Variants in CCDC138 observed in about 807,000 individuals in gnomAD.
CCDC138 encodes the protein coiled-coil domain-containing protein 138.
Under a neutral mutation model 82.3 loss-of-function variants are expected in CCDC138, and 66 were observed. The observed-to-expected ratio is 0.80, with a 90% CI of 0.66 to 0.98. CCDC138 has a LOEUF of 0.98. Among genes scored for constraint, CCDC138 ranks in the 50% least tolerant of loss-of-function variants. The pLI is 0.00. For missense variants in CCDC138, 816 were observed against 758.9 expected, an observed-to-expected ratio of 1.08 and a Z score of -0.88; for synonymous variants, 297 against 265.4, an observed-to-expected ratio of 1.12 and a Z score of -1.16.
chr2:108,826,638 C>T (rs1279386091), intron 10 of CCDC138, among the ~76,000 whole-genome samples: 1 of 152,172 alleles, frequency 6.6e-6, no homozygotes, highest in Non-Finnish European at 1.5e-5. Context: ...CGGTGTCACA[C>T]TCGATTCATT....
chr2:108,822,215 G>A (rs992512294), intron 10 of CCDC138, among the ~76,000 whole-genome samples: 1 of 151,942 alleles, frequency 6.6e-6, no homozygotes, highest in South Asian at 2.1e-4. Context: ...AGAGACAAAG[G>A]ACACTATATA....
chr2:108,810,203 G>A (rs1368293698), intron 7 of CCDC138, among the ~76,000 whole-genome samples: 1 of 152,170 alleles, frequency 6.6e-6, no homozygotes. Context: ...GTGAGAATGA[G>A]CATCCTTGTC....
At chr2:108,841,674 G>C (rs1689509021) in intron 11 of CCDC138, among the ~76,000 whole-genome samples, 2 of 151,958 alleles carry the variant, frequency 1.3e-5, no homozygotes, top group Non-Finnish European at 1.5e-5. Flanking sequence ...GCTGCATTTA[G>C]AAAAAATAAA....
intron 11 of CCDC138, among the ~76,000 whole-genome samples, chr2:108,845,011 G>A (rs1002989625): frequency 3.3e-5 from 5 of 151,914 alleles, no homozygotes; most frequent in Non-Finnish European, 1.5e-5. Context: ...TTCCCAAAGT[G>A]CTGGGATTAC....
In CCDC138 at chr2:108,875,870, A is replaced by C. The variant is rs962502532; in HGVS notation, c.1833-218A>C. Among the ~76,000 whole-genome samples, 9 of 152,220 alleles carry C rather than the reference A, an allele frequency of 5.9e-5. 1 individual carries two copies. Among genetic ancestry groups the C allele is most frequent in the South Asian group, 4.1e-4 (2 of 4,820 alleles). On this transcript the variant is annotated intron_variant, in intron 14 of 14. Transcript: ENST00000295124. ...AAGACCTTATCTCAAAAGAAAAAAA[A>C]GTTTTCTTTTTTCCCCAGTGGTTTT... is the stretch of plus-strand genomic sequence containing the variant.
chr2:108,863,187 G>C (rs185828821), intron 13 of CCDC138, among the ~76,000 whole-genome samples: 1 of 151,932 alleles, frequency 6.6e-6, no homozygotes, highest in East Asian at 1.9e-4. Context: ...TTATTCAATC[G>C]TTCTATTATG....
intron 13 of CCDC138, among the ~76,000 whole-genome samples, chr2:108,869,582 A>C (rs1483038932): frequency 6.6e-6 from 1 of 152,182 alleles, no homozygotes; most frequent in Non-Finnish European, 1.5e-5. Flanking sequence ...GTGTAGGAGG[A>C]AGAGGTTATG....
intron 10 of CCDC138, among the ~76,000 whole-genome samples, chr2:108,833,060 G>A (rs1039429928): frequency 6.6e-5 from 10 of 152,160 alleles, no homozygotes; most frequent in Admixed American, 2.0e-4. Context: ...ATGACATTTT[G>A]GAAAAAGCAA....
intron 6 of CCDC138, among the ~76,000 whole-genome samples, chr2:108,802,031 GC>G (rs1298898742): frequency 7.3e-6 from 1 of 136,462 alleles, no homozygotes; most frequent in African/African-American, 2.7e-5. Flanking sequence ...GGTTACTGTA[GC>G]CTTGTAGTAT....
Position 108,788,876 on chromosome 2 carries a change from A to T in CCDC138, c.176A>T (p.Asp59Val), listed in dbSNP as rs147437740. 6.3e-5 allele frequency: 102 copies of T among 1,614,102 alleles called. No individual in the cohort carries two copies. In the African/African-American group the frequency reaches 1.3e-3, roughly 20 times the overall value. The change falls in exon 3 of 15, where the codon GAT becomes GTT. Residue 59 changes from aspartate to valine, a missense_variant. Physicochemically the swap from Asp to Val is radical, Grantham distance 152. Coordinates refer to ENST00000295124, the MANE Select transcript of CCDC138 (RefSeq NM_144978.3). The stretch of plus-strand genomic sequence containing the variant: ...GGTGATTTGGATATCTACTCTGGAG[A>T]TAAAGTTGGTTCATCGTTAAAATAT... ...SPGDLDIYSG[D>V]KVGSSLKYSD...
rs753278167 is a variant in CCDC138 at position 108,804,868 on chromosome 2, GTTTT to G, written c.736-14_736-11del. 7.4e-7 allele frequency: 1 copy of G among 1,359,610 alleles called. No individual in the cohort carries two copies. Among genetic ancestry groups the G allele is most frequent in the Non-Finnish European group, 9.7e-7 (1 of 1,025,784 alleles). 84.2% of individuals were successfully genotyped at this position (1,359,610 alleles called of 1,614,324 possible). A position where few individuals can be genotyped will look rare whatever the true frequency, so the allele number is the denominator to read the frequency against. On this transcript the variant is annotated splice_polypyrimidine_tract_variant and intron_variant, in intron 6 of 14. Transcript: ENST00000295124. ...CAGTCCTTACAAGTTTTAGATGAGA[GTTTT>G]TTTTTTCTCCTCCTAGCAGCATGAT...
intron 11 of CCDC138, among the ~76,000 whole-genome samples, chr2:108,843,717 A>G (rs1280777595): frequency 6.6e-6 from 1 of 151,864 alleles, no homozygotes; most frequent in East Asian, 1.9e-4. Flanking sequence ...AAGTTTGACT[A>G]TGATGGGTCT....
chr2:108,803,441 A>T (rs186799043), intron 6 of CCDC138, among the ~76,000 whole-genome samples: 3,458 of 151,762 alleles, frequency 0.023, 68 homozygotes, highest in Non-Finnish European at 0.036. Flanking sequence ...TTAAAAAAAA[A>T]TTTTTTTTTA....
At chr2:108,841,318 A>G (rs28863021) in intron 11 of CCDC138, among the ~76,000 whole-genome samples, 10,579 of 152,190 alleles carry the variant, frequency 0.07, 468 homozygotes, top group South Asian at 0.15. Flanking sequence ...ATCCTTGCTG[A>G]TACTTTGTCC....
downstream of CCDC138, among the ~76,000 whole-genome samples, chr2:108,880,380 A>G (rs1174413762): frequency 6.6e-6 from 1 of 152,170 alleles, no homozygotes; most frequent in African/African-American, 2.4e-5. Flanking sequence ...ATCCTATTCA[A>G]AATCCTAACA....
chr2:108,856,020 G>A (rs889168484), intron 12 of CCDC138, among the ~76,000 whole-genome samples: 3 of 152,178 alleles, frequency 2.0e-5, no homozygotes, highest in Non-Finnish European at 4.4e-5. Context: ...AAAAGCACAA[G>A]GTAAGACTGC....
chr2:108,853,303 C>T (rs1415114610), intron 12 of CCDC138, among the ~76,000 whole-genome samples: 1 of 152,036 alleles, frequency 6.6e-6, no homozygotes, highest in Non-Finnish European at 1.5e-5. Context: ...GAGGGTCAGT[C>T]TAATATAATT....
intron 2 of CCDC138, chr2:108,883,958 C>T (rs1696363225): frequency 6.6e-6 from 1 of 151,960 alleles, no homozygotes; most frequent in Non-Finnish European, 1.5e-5. Context: ...CTCACAGGTT[C>T]CTAGGCTGGA....
At chr2:108,812,585 C>G in intron 7 of CCDC138, 46 bp from the exon 8 acceptor site, 1 of 1,394,250 alleles carries the variant, frequency 7.2e-7, no homozygotes, top group Non-Finnish European at 1.0e-6. Context: ...AGTATGAAAC[C>G]AGTTGAAGGT....
Sources: gnomAD v4.1 joint callset for allele counts (sites outside exome capture counted in the v4.1 genomes callset) on GRCh38, gnomAD v4.1.1 for gene constraint, MANE v1.5 for transcripts, NCBI Gene and HGNC (gene_info 2026-07-23, HGNC 2026-07-21) for gene names.